The following YEATS4 variants were observed in gnomAD, a reference collection of about 807,000 sequenced individuals.
YEATS4 encodes YEATS domain containing 4.
YEATS4 carries 17 observed loss-of-function variants against 30.1 expected under a neutral mutation model. That is an observed-to-expected ratio of 0.56 (90% confidence interval 0.39 to 0.85). The LOEUF is 0.85. YEATS4 is among the 40% of genes least tolerant of loss of function. YEATS4 has a pLI of 0.00. For missense variants in YEATS4, 142 were observed against 268.3 expected (o/e 0.53, Z 3.29); for synonymous variants, 85 against 87.5 (o/e 0.97, Z 0.16).
At chr12:69,402,985 A>C in the YEATS4 span, among the ~76,000 whole-genome samples, 2 of 151,720 alleles carry the variant, frequency 1.3e-5, no homozygotes, top group African/African-American at 2.4e-5. Context: ...AGCCTCCCAA[A>C]GTGCTGGGAT....
At chr12:69,366,966 A>G (rs1278159114) in intron 4 of YEATS4, among the ~76,000 whole-genome samples, 1 of 152,180 alleles carries the variant, frequency 6.6e-6, no homozygotes, top group Non-Finnish European at 1.5e-5. Context: ...TAGGTTTGGA[A>G]TGGGGCCAGC....
intron 6 of YEATS4, among the ~76,000 whole-genome samples, chr12:69,374,555 T>C (rs1253830256): frequency 1.3e-5 from 2 of 152,196 alleles, no homozygotes; most frequent in African/African-American, 4.8e-5. Context: ...AGGGCCCTGC[T>C]GCCTTCCCGC....
chr12:69,390,107 G>A (rs746331993), intron 6 of YEATS4, 40 bp from the exon 7 acceptor site: 1 of 1,503,218 alleles, frequency 6.7e-7, no homozygotes, highest in Non-Finnish European at 8.9e-7. Flanking sequence ...TCTTAAACAT[G>A]TGAGAAAAAT....
the YEATS4 span, among the ~76,000 whole-genome samples, chr12:69,412,126 T>C: frequency 2.0e-5 from 3 of 152,194 alleles, no homozygotes; most frequent in Non-Finnish European, 2.9e-5. Flanking sequence ...TTAATATGTC[T>C]GTGCAACTGC....
the YEATS4 span, among the ~76,000 whole-genome samples, chr12:69,419,234 T>TTTTTTTTTTTTTTTTTTTTTTTG: frequency 6.9e-6 from 1 of 145,926 alleles, no homozygotes; most frequent in Non-Finnish European, 1.5e-5. Flanking sequence ...TTTTTTTTTT[T>TTTTTTTTTTTTTTTTTTTTTTTG]TTTAGAGACA....
chr12:69,394,181 A>G (rs890364225), downstream of YEATS4, among the ~76,000 whole-genome samples: 4 of 152,238 alleles, frequency 2.6e-5, no homozygotes, highest in Non-Finnish European at 5.9e-5. Context: ...AATGGAGCCC[A>G]GGAATTTGCA....
the YEATS4 span, among the ~76,000 whole-genome samples, chr12:69,421,220 T>A: frequency 1.3e-5 from 2 of 152,146 alleles, no homozygotes; most frequent in Non-Finnish European, 2.9e-5. Flanking sequence ...GTTTCCACCT[T>A]TTGGTATTAT....
the YEATS4 span, among the ~76,000 whole-genome samples, chr12:69,420,727 A>G: frequency 2.7e-5 from 4 of 149,518 alleles, no homozygotes; most frequent in South Asian, 8.7e-4. Flanking sequence ...GATAAATGTC[A>G]TGTTATGTGA....
At chr12:69,378,961 A>G (rs1393867301) in intron 6 of YEATS4, among the ~76,000 whole-genome samples, 1 of 152,212 alleles carries the variant, frequency 6.6e-6, no homozygotes, top group Non-Finnish European at 1.5e-5. Context: ...GTGTTGATGA[A>G]ATCTCTCAGC....
the YEATS4 span, among the ~76,000 whole-genome samples, chr12:69,423,203 G>A: frequency 6.6e-6 from 1 of 152,066 alleles, no homozygotes; most frequent in African/African-American, 2.4e-5. Context: ...ATAAAGACCT[G>A]GTTGAGTTTG....
chr12:69,403,941 C>CT, the YEATS4 span, among the ~76,000 whole-genome samples: 22 of 151,912 alleles, frequency 1.4e-4, no homozygotes, highest in East Asian at 1.9e-3. Flanking sequence ...TTTTTTGTTT[C>CT]TTTTTTTTCC....
At chr12:69,409,355 G>A in the YEATS4 span, among the ~76,000 whole-genome samples, 4 of 152,220 alleles carry the variant, frequency 2.6e-5, no homozygotes, top group East Asian at 1.9e-4. Context: ...GGTGGCTTAC[G>A]CCTATAATCC....
chr12:69,417,562 G>A, the YEATS4 span, among the ~76,000 whole-genome samples: 171 of 152,200 alleles, frequency 1.1e-3, no homozygotes, highest in African/African-American at 3.7e-3. Flanking sequence ...CTTGGTAGGA[G>A]GCTAAAAATC....
At chr12:69,386,911 A>G (rs12816616) in intron 6 of YEATS4, among the ~76,000 whole-genome samples, 8,116 of 152,276 alleles carry the variant, frequency 0.053, 479 homozygotes, top group East Asian at 0.28. Context: ...ATTAGGCACA[A>G]TAAAAGATTA....
the YEATS4 span, among the ~76,000 whole-genome samples, chr12:69,419,031 A>ATG: frequency 2.0e-5 from 3 of 148,046 alleles, no homozygotes; most frequent in Non-Finnish European, 1.5e-5. Flanking sequence ...ATATATATAT[A>ATG]TATGTATATG....
chr12:69,383,638 G>A (rs532825016), intron 6 of YEATS4, among the ~76,000 whole-genome samples: 10 of 152,312 alleles, frequency 6.6e-5, no homozygotes, highest in African/African-American at 2.4e-4. Context: ...TCATACTGCT[G>A]ATAGGTCAAG....
intron 6 of YEATS4, among the ~76,000 whole-genome samples, chr12:69,372,980 T>A (rs1231224954): frequency 2.0e-5 from 3 of 152,232 alleles, no homozygotes; most frequent in African/African-American, 7.2e-5. Context: ...TCCTTTTTTA[T>A]GGCTGAATAG....
chr12:69,401,925 A>T, the YEATS4 span, among the ~76,000 whole-genome samples: 2 of 152,190 alleles, frequency 1.3e-5, no homozygotes, highest in Non-Finnish European at 1.5e-5. Flanking sequence ...TCACCTAGAA[A>T]GGGAAAACTG....
At chr12:69,382,067 A>G (rs1853029585) in intron 6 of YEATS4, among the ~76,000 whole-genome samples, 1 of 148,586 alleles carries the variant, frequency 6.7e-6, no homozygotes, top group African/African-American at 2.4e-5. Flanking sequence ...GTTATGTCCA[A>G]TGATAAATTA....
Sources: gnomAD v4.1 joint callset for allele counts (sites outside exome capture counted in the v4.1 genomes callset) on GRCh38, gnomAD v4.1.1 for gene constraint, MANE v1.5 for transcripts, NCBI Gene and HGNC (gene_info 2026-07-23, HGNC 2026-07-21) for gene names.